The following ADAM19 variants were observed in gnomAD, a reference collection of about 807,000 sequenced individuals.
ADAM19 encodes the protein ADAM metallopeptidase domain 19.
A neutral mutation model predicts 114.7 loss-of-function variants in ADAM19; 65 were observed. The observed-to-expected ratio is 0.57, with a 90% CI of 0.46 to 0.70. The LOEUF is 0.70. Ranked by LOEUF, ADAM19 falls within the 30% of genes least tolerant of loss-of-function variation. The pLI, the probability that ADAM19 is intolerant of heterozygous loss-of-function variation, is 0.00. For synonymous variants in ADAM19, 466 were observed against 460.5 expected (o/e 1.01, Z -0.15); for missense variants, 1,063 against 1,204.7 (o/e 0.88, Z 1.74).
intron 12 of ADAM19, 111 bp from the exon 13 acceptor site, chr5:157,499,773 C>CAT: frequency 2.4e-6 from 1 of 419,702 alleles, no homozygotes; most frequent in Non-Finnish European, 4.2e-6. Flanking sequence ...GCAACTATCT[C>CAT]TTTTTTTTTT....
Position 157,494,800 on chromosome 5 carries a change from G to T in ADAM19, c.1595-5C>A. On this transcript the variant is annotated splice_region_variant and splice_polypyrimidine_tract_variant and intron_variant, in intron 14 of 22. Transcript: ENST00000257527. ...GGTCAGGGGCAGGTCGGGCTCCTGG[G>T]TGGGCAAGCAACATCTATCAGTATA... 6.2e-7 allele frequency: 1 copy of T among 1,612,668 alleles called. No individual in the cohort carries two copies. The highest frequency in any genetic ancestry group is 1.1e-5 in the South Asian group (1 of 91,040).
Position 157,519,889 on chromosome 5 carries a change from T to G in ADAM19, c.550A>C (p.Arg184=). 2 of 1,614,102 alleles carry G rather than the reference T, an allele frequency of 1.2e-6. No individual in the cohort carries two copies. Among genetic ancestry groups the G allele is most frequent in the Non-Finnish European group, 1.7e-6 (2 of 1,179,998 alleles). The change falls in exon 6 of 23, where the codon AGG becomes CGG. Residue 184 remains arginine (R), a synonymous_variant. Coordinates refer to ENST00000257527, the MANE Select transcript of ADAM19 (RefSeq NM_033274.5). ...TGTGTAAACTGAAGAGCCCAGTCCC[T>G]GGTGGTGGGCTTGGAGTGCTCGAAC... ...CGFEHSKPTT[R]DWALQFTQQT...
Position 157,479,322 on chromosome 5 carries a change from C to G in ADAM19, c.*1627G>C. 1.0e-6 allele frequency: 1 copy of G among 985,876 alleles called. No homozygotes were observed. The highest frequency in any genetic ancestry group is 1.2e-6 in the Non-Finnish European group (1 of 830,032). 61.1% of individuals were successfully genotyped at this position (985,876 alleles called of 1,614,324 possible). A position where few individuals can be genotyped will look rare whatever the true frequency, so the allele number is the denominator to read the frequency against. On this transcript the variant is annotated 3_prime_UTR_variant, in exon 23 of 23. Coordinates refer to ENST00000257527, the MANE Select transcript of ADAM19 (RefSeq NM_033274.5). The stretch of plus-strand genomic sequence containing the variant: ...GTGTGCAGAGAACTATAAGGAGGCC[C>G]TGGGGTGGTGAATCAGAAGCTCAGC...
At chr5:157,525,216 G>A (rs1363498449) in intron 5 of ADAM19, among the ~76,000 whole-genome samples, 2 of 152,182 alleles carry the variant, frequency 1.3e-5, no homozygotes, top group African/African-American at 4.8e-5. Flanking sequence ...TCTGTGCAAT[G>A]CCTGACACGG....
chr5:157,508,156 C>T (rs773990780), intron 9 of ADAM19, among the ~76,000 whole-genome samples: 1 of 152,204 alleles, frequency 6.6e-6, no homozygotes, highest in Non-Finnish European at 1.5e-5. Flanking sequence ...TTCCAAAGTT[C>T]AGGCCAAAAG....
At chr5:157,575,016 T>C (rs949371225) in intron 1 of ADAM19, among the ~76,000 whole-genome samples, 1 of 152,146 alleles carries the variant, frequency 6.6e-6, no homozygotes, top group Admixed American at 6.5e-5. Context: ...GACTTGGCCT[T>C]CAGTAGGGCT....
intron 2 of ADAM19, among the ~76,000 whole-genome samples, chr5:157,570,192 G>A (rs1021101944): frequency 1.3e-5 from 2 of 152,118 alleles, no homozygotes; most frequent in Non-Finnish European, 2.9e-5. Flanking sequence ...CCTGCCAGGC[G>A]GAGCTCACAG....
At chr5:157,514,627 G>A (rs963217757) in intron 7 of ADAM19, among the ~76,000 whole-genome samples, 12 of 152,122 alleles carry the variant, frequency 7.9e-5, no homozygotes, top group African/African-American at 1.9e-4. Context: ...GCGCCTGGCC[G>A]TAATCAGACA....
chr5:157,517,254 T>A (rs1162174455), intron 7 of ADAM19, among the ~76,000 whole-genome samples: 1 of 152,216 alleles, frequency 6.6e-6, no homozygotes, highest in Non-Finnish European at 1.5e-5. Flanking sequence ...TGCCTTAGAA[T>A]GAGCTCTTTG....
intron 3 of ADAM19, among the ~76,000 whole-genome samples, chr5:157,555,300 G>A (rs1423303113): frequency 6.6e-6 from 1 of 152,140 alleles, no homozygotes; most frequent in Non-Finnish European, 1.5e-5. Flanking sequence ...TACGATGCCT[G>A]TTATACAGGC....
chr5:157,540,973 C>T (rs77380291), intron 3 of ADAM19, among the ~76,000 whole-genome samples: 2,127 of 152,286 alleles, frequency 0.014, 43 homozygotes, highest in African/African-American at 0.049. Flanking sequence ...ATGCAAATTG[C>T]CAGGCTCCAC....
In ADAM19 at chr5:157,496,975, G is replaced by C; in HGVS notation, c.1513C>G (p.Pro505Ala). ...PTNFYQMDGT[P>A]CEGGQAYCYN... ...CAGTAGGCCTGGCCGCCCTCACAGGGGGTACCATCCATCTGGTAGAAGTTG... is the reference window on the plus strand; with the variant it reads ...CAGTAGGCCTGGCCGCCCTCACAGGCGGTACCATCCATCTGGTAGAAGTTG... Residue 505 changes from proline to alanine, a missense_variant, in exon 14 of 23, where the codon CCC becomes GCC. By Grantham distance (27) the Pro-to-Ala change is conservative (BLOSUM62 -1). This residue lies in a region of ADAM19 where 615 missense variants were observed against 706.3 expected (regional missense o/e 0.87). Transcript: ENST00000257527. The C allele has an allele frequency of 6.3e-7, 1 of 1,598,320 alleles. No individual in the cohort carries two copies. The highest frequency in any genetic ancestry group is 8.5e-7 in the Non-Finnish European group (1 of 1,173,352).
rs1266062866 is a variant in ADAM19, at chr5:157,478,112, T to C, written c.*2837A>G. 1 of 157,606 alleles carries C rather than the reference T, an allele frequency of 6.3e-6. No individual in the cohort carries two copies. Among genetic ancestry groups the C allele is most frequent in the African/African-American group, 2.4e-5 (1 of 41,476 alleles). 9.8% of individuals were successfully genotyped at this position (157,606 alleles called of 1,614,324 possible). A position where few individuals can be genotyped will look rare whatever the true frequency, so the allele number is the denominator to read the frequency against. On this transcript the variant is annotated 3_prime_UTR_variant, in exon 23 of 23. Coordinates refer to ENST00000257527, the MANE Select transcript of ADAM19 (RefSeq NM_033274.5). ...AGGCCCTTAAAAAAAAATTCTTGGG[T>C]TGTAAAATTGGCAGGAGGTTAATTT...
At chr5:157,481,527 C>T (rs1754746594) in intron 22 of ADAM19, 1 of 1,303,500 alleles carries the variant, frequency 7.7e-7, no homozygotes, top group Non-Finnish European at 1.0e-6. Context: ...GAGGGACTTG[C>T]TCAGGGTCCC....
intron 3 of ADAM19, among the ~76,000 whole-genome samples, chr5:157,558,717 G>A (rs769742317): frequency 5.9e-5 from 9 of 152,188 alleles, no homozygotes; most frequent in Non-Finnish European, 1.0e-4. Context: ...TGCCTAAGTG[G>A]TATTCATAGT....
chr5:157,520,796 G>A (rs927101998), intron 5 of ADAM19, among the ~76,000 whole-genome samples: 3 of 152,208 alleles, frequency 2.0e-5, no homozygotes, highest in Admixed American at 2.0e-4. Flanking sequence ...CACCAAGCAT[G>A]AGGGACTACT....
Position 157,499,609 on chromosome 5 carries a change from C to A in ADAM19, c.1362G>T (p.Ala454=). 1 of 1,613,462 alleles carries A rather than the reference C, an allele frequency of 6.2e-7. No individual in the cohort carries two copies. Among genetic ancestry groups the A allele is most frequent in the Non-Finnish European group, 8.5e-7 (1 of 1,179,882 alleles). The part of the protein sequence containing the change: ...NASNCTLRPG[A]ECAHGSCCHQ... ...GGCAGCAGGAGCCGTGAGCACACTC[C>A]GCCCCCGGCCTCAGGGTACAATTAG... Residue 454 remains alanine, a synonymous_variant, in exon 13 of 23, where the codon GCG becomes GCT. Transcript: ENST00000257527.
Position 157,545,377 on chromosome 5 carries a change from G to C in ADAM19, c.252-7386C>G, listed in dbSNP as rs1364161634. Among the ~76,000 whole-genome samples the C allele has an allele frequency of 3.3e-5, 5 of 152,262 alleles. No homozygotes were observed. In the East Asian group the frequency reaches 9.7e-4, roughly 29 times the overall value. ...TTGGTCAAGATCCCTGCCCTTGCCT[G>C]GCCAAATGAATGCTTCATGATATGC... On this transcript the variant is annotated intron_variant, in intron 3 of 22. Transcript: ENST00000257527.
intron 6 of ADAM19, 51 bp from the exon 7 acceptor site, chr5:157,518,939 T>G (rs1756184049): frequency 6.6e-7 from 1 of 1,515,536 alleles, no homozygotes; most frequent in Non-Finnish European, 9.1e-7. Context: ...CTTGGCCTCA[T>G]TTTTAAAAAA....
Sources: allele counts gnomAD v4.1 joint callset (sites outside exome capture counted in the v4.1 genomes callset), GRCh38; gene constraint gnomAD v4.1.1; regional missense constraint gnomAD v4.1.1; transcripts MANE v1.5; gene names NCBI Gene and HGNC (gene_info 2026-07-23, HGNC 2026-07-21).